SHOC2: variants seen among roughly 807,000 people sequenced by gnomAD.
SHOC2 encodes leucine-rich repeat protein SHOC-2.
A neutral mutation model predicts 50.2 loss-of-function variants in SHOC2; 4 were observed. That is an observed-to-expected ratio of 0.08 (90% CI 0.04 to 0.18). The LOEUF (loss-of-function observed/expected upper bound fraction) is 0.18, where lower values mean the gene tolerates loss of function less well. Ranked by LOEUF, SHOC2 falls within the 10% of genes least tolerant of loss-of-function variation. The probability of loss-of-function intolerance (pLI) is 1.00; values close to 1 mark genes in which losing one functional copy is unlikely to be tolerated. For missense variants in SHOC2, 388 were observed against 669.6 expected (o/e 0.58, Z 4.64); for synonymous variants, 218 against 244.5 (o/e 0.89, Z 1.01).
chr10:110,964,976 T>G lies in SHOC2; in HGVS notation c.618T>G (p.Thr206=), dbSNP rs772520981. Residue 206 remains threonine (T), a synonymous_variant, in exon 2 of 9, where the codon ACT becomes ACG. Coordinates refer to ENST00000369452, the MANE Select transcript of SHOC2 (RefSeq NM_007373.4). The surrounding 1 kb of genome is among the most constrained non-coding windows in gnomAD (Gnocchi z 4.9). ...TLYLRFNRIT[T]VEKDIKNLSK... Reference sequence around the variant, plus strand: ...ACCTTCGCTTTAATCGTATAACTACTGTGGAAAAGGACATCAAAAACTTGT... The same window carrying G: ...ACCTTCGCTTTAATCGTATAACTACGGTGGAAAAGGACATCAAAAACTTGT... 2.5e-6 allele frequency: 4 copies of G among 1,613,588 alleles called. No homozygotes were observed. The African/African-American group carries it at 5.3e-5, about 22-fold the overall frequency.
intron 1 of SHOC2, among the ~76,000 whole-genome samples, chr10:110,924,944 A>G (rs928412305): frequency 3.3e-5 from 5 of 151,514 alleles, no homozygotes; most frequent in African/African-American, 1.2e-4. Flanking sequence ...GGTGGCAGGC[A>G]CCTTTAATCC....
intron 1 of SHOC2, among the ~76,000 whole-genome samples, chr10:110,947,932 T>A (rs1847278486): frequency 6.6e-6 from 1 of 152,156 alleles, no homozygotes; most frequent in Non-Finnish European, 1.5e-5. Flanking sequence ...AGGCAGAGTT[T>A]TTTAAAATAT....
At chr10:110,992,083 C>G (rs1231073550) in intron 3 of SHOC2, among the ~76,000 whole-genome samples, 1 of 151,546 alleles carries the variant, frequency 6.6e-6, no homozygotes, top group Non-Finnish European at 1.5e-5. Flanking sequence ...TTTCTTTTTT[C>G]TTATAAGTAG....
At chr10:110,975,056 G>T (rs1847850497) in intron 2 of SHOC2, among the ~76,000 whole-genome samples, 1 of 151,760 alleles carries the variant, frequency 6.6e-6, no homozygotes, top group African/African-American at 2.4e-5. Flanking sequence ...TCAGAACCAA[G>T]AAATTAACAG....
At chr10:110,933,270 A>G (rs1846930558) in intron 1 of SHOC2, among the ~76,000 whole-genome samples, 1 of 152,196 alleles carries the variant, frequency 6.6e-6, no homozygotes. Flanking sequence ...TTTAAAAGAT[A>G]TACATACAGA....
intron 1 of SHOC2, among the ~76,000 whole-genome samples, 175 bp downstream of exon 1, chr10:110,919,832 G>T (rs1170177536): frequency 6.6e-6 from 1 of 151,008 alleles, no homozygotes; most frequent in Admixed American, 6.6e-5. Flanking sequence ...GGGAGGCGCC[G>T]CCGCCGCCGC....
At chr10:110,983,979 A>G (rs937055318) in intron 2 of SHOC2, among the ~76,000 whole-genome samples, 1 of 152,190 alleles carries the variant, frequency 6.6e-6, no homozygotes, top group Non-Finnish European at 1.5e-5. Context: ...ATTGGTGTAC[A>G]ATTACCTGTT....
At chr10:111,009,125 A>G (rs1848522053) in intron 6 of SHOC2, 123 bp from the exon 7 acceptor site, 2 of 574,042 alleles carry the variant, frequency 3.5e-6, no homozygotes, top group Admixed American at 3.3e-5. Context: ...TATATAATTG[A>G]ACATCACCCT....
intron 1 of SHOC2, among the ~76,000 whole-genome samples, chr10:110,958,784 C>T (rs923125945): frequency 9.2e-5 from 14 of 151,884 alleles, no homozygotes; most frequent in South Asian, 4.1e-4. Context: ...TGATTTAAGC[C>T]GGCTACTCAG....
intron 1 of SHOC2, among the ~76,000 whole-genome samples, chr10:110,933,709 G>T (rs911057843): frequency 2.0e-5 from 3 of 152,152 alleles, no homozygotes; most frequent in Admixed American, 6.5e-5. Context: ...GAGGTGGGAG[G>T]ATCTCTTGAG....
At chr10:110,960,311 TAA>T (rs1847547534) in intron 1 of SHOC2, among the ~76,000 whole-genome samples, 1 of 152,254 alleles carries the variant, frequency 6.6e-6, no homozygotes, top group African/African-American at 2.4e-5. Context: ...CCTCAATATT[TAA>T]AATCTGGCCC....
At chr10:111,011,001 C>A (rs146938364) in intron 8 of SHOC2, among the ~76,000 whole-genome samples, 1 of 152,104 alleles carries the variant, frequency 6.6e-6, no homozygotes, top group Admixed American at 6.6e-5. Context: ...TATTTATTCA[C>A]CTGATCTCAT....
intron 5 of SHOC2, among the ~76,000 whole-genome samples, chr10:111,006,026 T>C (rs1329955307): frequency 6.6e-6 from 1 of 152,226 alleles, no homozygotes; most frequent in Non-Finnish European, 1.5e-5. Flanking sequence ...TGTTAATCAG[T>C]CTGGTTATAT....
intron 1 of SHOC2, among the ~76,000 whole-genome samples, chr10:110,944,328 C>G (rs1238866736): frequency 6.8e-6 from 1 of 146,378 alleles, no homozygotes; most frequent in African/African-American, 2.5e-5. Context: ...TCCTTCTGCC[C>G]ACAGTGGAAA....
At chr10:111,009,002 A>G (rs539182579) in intron 6 of SHOC2, among the ~76,000 whole-genome samples, 1 of 152,262 alleles carries the variant, frequency 6.6e-6, no homozygotes, top group Admixed American at 6.5e-5. Flanking sequence ...TTGAAATTTC[A>G]TTAAAATTAA....
intron 4 of SHOC2, among the ~76,000 whole-genome samples, chr10:111,002,128 G>A (rs1236130015): frequency 6.6e-6 from 1 of 152,078 alleles, no homozygotes; most frequent in Non-Finnish European, 1.5e-5. Context: ...TAATTCCTGG[G>A]TACCTATTAG....
At chr10:110,980,010 C>T (rs1351124563) in intron 2 of SHOC2, among the ~76,000 whole-genome samples, 1 of 152,172 alleles carries the variant, frequency 6.6e-6, no homozygotes, top group Non-Finnish European at 1.5e-5. Context: ...TAGAATCTTA[C>T]ATAACAATTT....
At chr10:110,992,867 A>G (rs1848209516) in intron 3 of SHOC2, among the ~76,000 whole-genome samples, 1 of 152,166 alleles carries the variant, frequency 6.6e-6, no homozygotes, top group Non-Finnish European at 1.5e-5. Context: ...TACCTTTGAC[A>G]TTTCATCCTT....
chr10:110,999,211 C>T (rs1419976129), intron 3 of SHOC2, among the ~76,000 whole-genome samples: 1 of 152,174 alleles, frequency 6.6e-6, no homozygotes, highest in Non-Finnish European at 1.5e-5. Context: ...CCAAGTATCT[C>T]ATAGCAACAG....
Sources: gnomAD v4.1 joint callset for allele counts (sites outside exome capture counted in the v4.1 genomes callset) on GRCh38, gnomAD v4.1.1 for gene constraint, Gnocchi (gnomAD v3.1) non-coding constraint, MANE v1.5 for transcripts, NCBI Gene and HGNC (gene_info 2026-07-23, HGNC 2026-07-21) for gene names.